DDX21: variants seen among roughly 807,000 people sequenced by gnomAD.
DDX21 encodes DExD-box helicase 21.
DDX21 carries 18 observed loss-of-function variants against 90.0 expected under a neutral mutation model. The observed-to-expected ratio is 0.20, with a 90% CI of 0.14 to 0.30. The LOEUF is 0.30. Ranked by LOEUF, DDX21 falls within the 10% of genes least tolerant of loss-of-function variation. The pLI is 1.00. For synonymous variants in DDX21, 294 were observed against 318.0 expected (o/e 0.92, Z 0.80); for missense variants, 673 against 944.5 (o/e 0.71, Z 3.77).
chr10:68,977,416 A>T (rs1843117049), intron 11 of DDX21, 113 bp from the exon 12 acceptor site: 2 of 981,614 alleles, frequency 2.0e-6, no homozygotes, highest in South Asian at 4.3e-5. Context: ...TCAAAAATAA[A>T]TATGTTACAC....
chr10:68,980,966 A>T (rs1470130571), intron 13 of DDX21, among the ~76,000 whole-genome samples: 1 of 152,102 alleles, frequency 6.6e-6, no homozygotes, highest in Non-Finnish European at 1.5e-5. Context: ...GAGGGAAAAA[A>T]AAAAGATGGT....
chr10:68,957,414 C>G (rs1842813231), intron 1 of DDX21, among the ~76,000 whole-genome samples: 1 of 152,158 alleles, frequency 6.6e-6, no homozygotes, highest in Admixed American at 6.5e-5. Flanking sequence ...GTTCTGAGAT[C>G]AAGTCAGTGG....
At chr10:68,966,529 G>C (rs1041840065) in intron 5 of DDX21, among the ~76,000 whole-genome samples, 3 of 151,936 alleles carry the variant, frequency 2.0e-5, no homozygotes, top group African/African-American at 7.2e-5. Context: ...TGCAACCTCT[G>C]TTGCCCAGGT....
chr10:68,969,400 C>G (rs1409415715), intron 7 of DDX21, among the ~76,000 whole-genome samples: 1 of 152,192 alleles, frequency 6.6e-6, no homozygotes, highest in Non-Finnish European at 1.5e-5. Context: ...CTGCCTCAGC[C>G]TCCTGAGTGG....
chr10:68,959,398 G>A (rs893412640), intron 1 of DDX21, among the ~76,000 whole-genome samples: 1 of 152,140 alleles, frequency 6.6e-6, no homozygotes, highest in Non-Finnish European at 1.5e-5. Flanking sequence ...GGAGGCTGAG[G>A]CATGAGAATA....
At chr10:68,960,603 G>A (rs966894431) in intron 2 of DDX21, among the ~76,000 whole-genome samples, 4 of 151,818 alleles carry the variant, frequency 2.6e-5, no homozygotes, top group Non-Finnish European at 5.9e-5. Context: ...GTGGGATTAC[G>A]GGTGTGTGCT....
intron 2 of DDX21, among the ~76,000 whole-genome samples, chr10:68,961,192 C>T (rs1373850563): frequency 6.6e-6 from 1 of 152,160 alleles, no homozygotes; most frequent in Non-Finnish European, 1.5e-5. Flanking sequence ...GCCTAAGCCT[C>T]CCGAGTAGCT....
intron 13 of DDX21, among the ~76,000 whole-genome samples, chr10:68,979,990 C>T (rs1477853309): frequency 6.6e-6 from 1 of 152,188 alleles, no homozygotes; most frequent in Non-Finnish European, 1.5e-5. Context: ...CCTGTAATCT[C>T]AGCACTTTGG....
At chr10:68,977,764 T>C in intron 12 of DDX21, 76 bp downstream of exon 12, 1 of 1,397,344 alleles carries the variant, frequency 7.2e-7, no homozygotes, top group Non-Finnish European at 9.6e-7. Flanking sequence ...TCATTTAAGC[T>C]TCCCAGTTGT....
At chr10:68,964,191 T>G (rs746299895) in intron 4 of DDX21, 1 of 373,306 alleles carries the variant, frequency 2.7e-6, no homozygotes, top group African/African-American at 2.2e-5. Context: ...GGTGAGTCCA[T>G]TGGGTTCATT....
At chr10:68,956,383 C>A in intron 1 of DDX21, 71 bp downstream of exon 1, 1 of 1,601,274 alleles carries the variant, frequency 6.2e-7, no homozygotes, top group South Asian at 1.1e-5. Flanking sequence ...GGAGAAGTGC[C>A]CGGGCTGGGA....
At chr10:68,982,449 T>G (rs1843204880) in intron 14 of DDX21, 94 bp from the exon 15 acceptor site, 1 of 1,483,456 alleles carries the variant, frequency 6.7e-7, no homozygotes, top group Non-Finnish European at 9.0e-7. Context: ...TATCACCTTT[T>G]CTTTGAAGAA....
intron 13 of DDX21, among the ~76,000 whole-genome samples, chr10:68,979,875 A>C (rs1843161202): frequency 6.6e-6 from 1 of 152,120 alleles, no homozygotes; most frequent in South Asian, 2.1e-4. Flanking sequence ...TGCTACCAAC[A>C]CCATTTACTC....
chr10:68,958,949 G>C (rs1397328973), intron 1 of DDX21, among the ~76,000 whole-genome samples: 1 of 152,096 alleles, frequency 6.6e-6, no homozygotes, highest in Non-Finnish European at 1.5e-5. Context: ...TGGAGTTAGA[G>C]GCTGCAGTGA....
chr10:68,982,904 G>T lies in DDX21; in HGVS notation c.*92G>T, dbSNP rs1843215681. ...TTTCATGCAAAGTTAAAAGCACATT[G>T]TGCCTCCTTTTGACCACTTGCCAAG... On this transcript the variant is annotated 3_prime_UTR_variant, in exon 15 of 15. Transcript: ENST00000354185. 68 of 1,509,124 alleles carry T rather than the reference G, an allele frequency of 4.5e-5. No individual in the cohort carries two copies. In the South Asian group the frequency reaches 8.1e-4, roughly 18 times the overall value. 93.5% of individuals were successfully genotyped at this position (1,509,124 alleles called of 1,614,324 possible). A position where few individuals can be genotyped will look rare whatever the true frequency, so the allele number is the denominator to read the frequency against.
chr10:68,981,778 T>C (rs573597222), intron 14 of DDX21, among the ~76,000 whole-genome samples, 197 bp downstream of exon 14: 5 of 152,320 alleles, frequency 3.3e-5, no homozygotes. Context: ...GGTTTCTATA[T>C]TTCCTTTATA....
chr10:68,984,829 T>G lies in DDX21; in HGVS notation c.*2017T>G, dbSNP rs937577998. On this transcript the variant is annotated 3_prime_UTR_variant, in exon 15 of 15. Transcript: ENST00000354185. ...CTAAAGTTTCTCCTGGATCCCAGAA[T>G]TCAACCTGTATTTATAAATGTATAA... The G allele has an allele frequency of 2.6e-5, 4 of 152,234 alleles. No homozygotes were observed. The highest frequency in any genetic ancestry group is 9.6e-5 in the African/African-American group (4 of 41,458). 9.4% of individuals were successfully genotyped at this position (152,234 alleles called of 1,614,324 possible). A position where few individuals can be genotyped will look rare whatever the true frequency, so the allele number is the denominator to read the frequency against.
At chr10:68,959,033 CTGT>C (rs922787768) in intron 1 of DDX21, among the ~76,000 whole-genome samples, 2 of 152,072 alleles carry the variant, frequency 1.3e-5, no homozygotes, top group African/African-American at 4.8e-5. Flanking sequence ...AAAAAAATCC[CTGT>C]TGTTTTACCT....
chr10:68,979,664 A>G (rs1843158259), intron 13 of DDX21, among the ~76,000 whole-genome samples: 1 of 152,220 alleles, frequency 6.6e-6, no homozygotes, highest in African/African-American at 2.4e-5. Context: ...CGAAGCCCCT[A>G]AAAGATCTCA....
Sources: gnomAD v4.1 joint callset for allele counts (sites outside exome capture counted in the v4.1 genomes callset) on GRCh38, gnomAD v4.1.1 for gene constraint, MANE v1.5 for transcripts, NCBI Gene and HGNC (gene_info 2026-07-23, HGNC 2026-07-21) for gene names.